WDFY2: variants seen among roughly 807,000 people sequenced by gnomAD.
WDFY2 encodes the protein WD repeat and FYVE domain containing 2.
In WDFY2, 36 loss-of-function variants were observed where a neutral mutation model predicts 56.4. The ratio of observed to expected loss-of-function variants is 0.64; its 90% CI spans 0.49 to 0.84. WDFY2 has a LOEUF of 0.84. WDFY2 is among the 40% of genes least tolerant of loss of function. The pLI is 0.00. For synonymous variants in WDFY2, 176 were observed against 183.7 expected (o/e 0.96, Z 0.34); for missense variants, 444 against 512.2 (o/e 0.87, Z 1.29).
intron 1 of WDFY2, among the ~76,000 whole-genome samples, chr13:51,646,985 CT>C (rs1402364339): frequency 2.0e-5 from 3 of 152,250 alleles, no homozygotes; most frequent in South Asian, 2.1e-4. Flanking sequence ...TGCGTATAGA[CT>C]TTTTTTCCTT....
intron 3 of WDFY2, among the ~76,000 whole-genome samples, chr13:51,685,816 C>A (rs78799540): frequency 6.6e-6 from 1 of 152,036 alleles, no homozygotes; most frequent in Non-Finnish European, 1.5e-5. Flanking sequence ...CTCCATTAGC[C>A]GGAGCAACTT....
intron 8 of WDFY2, 99 bp downstream of exon 8, chr13:51,751,514 G>A (rs986650422): frequency 8.7e-7 from 1 of 1,151,268 alleles, no homozygotes; most frequent in Non-Finnish European, 1.3e-6. Flanking sequence ...ATGAAATAAG[G>A]CATGTAACGT....
intron 3 of WDFY2, among the ~76,000 whole-genome samples, chr13:51,701,203 A>G (rs1199714171): frequency 4.6e-5 from 7 of 152,158 alleles, no homozygotes; most frequent in African/African-American, 7.2e-5. Context: ...TTCTTAGAGT[A>G]GTATATTGTG....
In WDFY2 at chr13:51,764,646, C is replaced by T. The variant is rs1258927478; in HGVS notation, c.*4877C>T. The T allele has an allele frequency of 6.6e-6, 1 of 152,270 alleles. No homozygotes were observed. The highest frequency in any genetic ancestry group is 2.4e-5 in the African/African-American group (1 of 41,452). The allele number at this position is 152,270 out of a possible 1,614,324, so 9.4% of individuals were successfully genotyped here. A position where few individuals can be genotyped will look rare whatever the true frequency, so the allele number is the denominator to read the frequency against. On this transcript the variant is annotated 3_prime_UTR_variant, in exon 12 of 12. Transcript: ENST00000298125. ...ACGAGGGGTTTCCCCAGAGGCTCCT[C>T]CTGCAGCCAATGCTACTATTAGTTT...
At chr13:51,620,957 C>G (rs1196114320) in intron 1 of WDFY2, among the ~76,000 whole-genome samples, 1 of 152,174 alleles carries the variant, frequency 6.6e-6, no homozygotes, top group East Asian at 1.9e-4. Context: ...CTCATCCTGT[C>G]AGAATAGTAC....
rs116027082 is a variant in WDFY2, at chr13:51,648,669, A to G, written c.138-11927A>G. Reference sequence around the variant, plus strand: ...GGGTCAGTAGGTACAGCAGACTACCATGGCACACTTATACCTATGTAACAA... The same window carrying G: ...GGGTCAGTAGGTACAGCAGACTACCGTGGCACACTTATACCTATGTAACAA... On this transcript the variant is annotated intron_variant, in intron 1 of 11. Coordinates refer to ENST00000298125, the MANE Select transcript of WDFY2 (RefSeq NM_052950.4). Among the ~76,000 whole-genome samples, 609 of 152,290 alleles carry G rather than the reference A, an allele frequency of 4.0e-3. 6 individuals are homozygous for G. Among genetic ancestry groups the G allele is most frequent in the African/African-American group, 0.014 (590 of 41,568 alleles).
chr13:51,674,444 T>TTAA (rs1955853903), intron 2 of WDFY2, among the ~76,000 whole-genome samples: 1 of 152,206 alleles, frequency 6.6e-6, no homozygotes, highest in Non-Finnish European at 1.5e-5. Flanking sequence ...CCAAGCATAC[T>TTAA]TAATTTGCTT....
chr13:51,736,018 A>ATTGGTCTTG (rs1436366350), intron 6 of WDFY2, among the ~76,000 whole-genome samples: 5 of 152,178 alleles, frequency 3.3e-5, no homozygotes, highest in African/African-American at 1.2e-4. Flanking sequence ...AAAGCTAGAG[A>ATTGGTCTTG]TTGGTCTTGT....
intron 4 of WDFY2, among the ~76,000 whole-genome samples, chr13:51,711,424 C>T (rs537355465): frequency 1.3e-5 from 2 of 152,014 alleles, no homozygotes; most frequent in Admixed American, 6.6e-5. Flanking sequence ...GCAACAAAAG[C>T]CAAAATTGAC....
intron 1 of WDFY2, among the ~76,000 whole-genome samples, chr13:51,652,476 G>C (rs1955412268): frequency 6.6e-6 from 1 of 152,178 alleles, no homozygotes; most frequent in Admixed American, 6.5e-5. Context: ...TTGCTCATTA[G>C]TTGATGCAGT....
At chr13:51,642,840 C>T (rs1299738633) in intron 1 of WDFY2, among the ~76,000 whole-genome samples, 2 of 151,896 alleles carry the variant, frequency 1.3e-5, no homozygotes, top group Non-Finnish European at 2.9e-5. Flanking sequence ...ACCACCATAC[C>T]CAGCTAATTT....
chr13:51,681,800 AT>A (rs1368596435), intron 3 of WDFY2, among the ~76,000 whole-genome samples: 2 of 152,128 alleles, frequency 1.3e-5, no homozygotes, highest in African/African-American at 4.8e-5. Context: ...ATTTAATATC[AT>A]TTGCTGAAGG....
intron 1 of WDFY2, 125 bp downstream of exon 1, chr13:51,584,949 A>C: frequency 3.8e-6 from 5 of 1,314,160 alleles, no homozygotes; most frequent in Non-Finnish European, 4.1e-6. Flanking sequence ...TTTTATTGTA[A>C]TGCGCATCCT....
chr13:51,601,581 A>G (rs565563086), intron 1 of WDFY2, among the ~76,000 whole-genome samples: 83 of 152,168 alleles, frequency 5.5e-4, no homozygotes, highest in Middle Eastern at 3.4e-3. Context: ...TGCCCGGCTA[A>G]TTTTTGTATT....
chr13:51,633,827 GATTTTTAATAA>G (rs1954998313), intron 1 of WDFY2, among the ~76,000 whole-genome samples: 1 of 152,122 alleles, frequency 6.6e-6, no homozygotes, highest in Admixed American at 6.5e-5. Flanking sequence ...GTCCCCCTAT[GATTTTTAATAA>G]ATTTTTAATA....
chr13:51,675,045 TAAATG>T (rs1955863065), intron 2 of WDFY2, 120 bp from the exon 3 acceptor site: 1 of 784,572 alleles, frequency 1.3e-6, no homozygotes, highest in Non-Finnish European at 2.1e-6. Context: ...GAGTGGATGT[TAAATG>T]AAATGTTTTC....
chr13:51,695,097 A>C (rs2138559731), intron 3 of WDFY2, among the ~76,000 whole-genome samples: 1 of 152,174 alleles, frequency 6.6e-6, no homozygotes, highest in East Asian at 1.9e-4. Flanking sequence ...ATTTTTTTCA[A>C]AGTTTTCAAC....
chr13:51,628,111 C>T (rs1448022978), intron 1 of WDFY2, among the ~76,000 whole-genome samples: 1 of 152,174 alleles, frequency 6.6e-6, no homozygotes, highest in Non-Finnish European at 1.5e-5. Context: ...CCCTTTCTGC[C>T]CAGGAACCTG....
At chr13:51,743,167 T>G (rs1412252816) in intron 7 of WDFY2, among the ~76,000 whole-genome samples, 3 of 152,212 alleles carry the variant, frequency 2.0e-5, no homozygotes, top group Admixed American at 6.5e-5. Context: ...GAGATGTGTC[T>G]TTTTTATTTC....
Sources: allele counts gnomAD v4.1 joint callset (sites outside exome capture counted in the v4.1 genomes callset), GRCh38; gene constraint gnomAD v4.1.1; transcripts MANE v1.5; gene names NCBI Gene and HGNC (gene_info 2026-07-23, HGNC 2026-07-21).